The following LRRC37A2 variants were observed in gnomAD, a reference collection of about 807,000 sequenced individuals.
The protein encoded by LRRC37A2 is leucine-rich repeat-containing protein 37A2.
Under a neutral mutation model 68.8 loss-of-function variants are expected in LRRC37A2, and 9 were observed. The ratio of observed to expected loss-of-function variants is 0.13; its 90% CI spans 0.08 to 0.23. The LOEUF (loss-of-function observed/expected upper bound fraction) is 0.23. Ranked by LOEUF, LRRC37A2 falls within the 10% of genes least tolerant of loss-of-function variation. The pLI is 1.00. For missense variants in LRRC37A2, 168 were observed against 950.4 expected (o/e 0.18, Z 10.82); for synonymous variants, 63 against 367.6 (o/e 0.17, Z 9.48).
At chr17:46,925,270 T>G in the LRRC37A2 span, among the ~76,000 whole-genome samples, 9 of 152,238 alleles carry the variant, frequency 5.9e-5, no homozygotes, top group Admixed American at 5.9e-4. Flanking sequence ...AGTACAATTT[T>G]ATTTATCAAA....
the LRRC37A2 span, among the ~76,000 whole-genome samples, chr17:46,816,335 C>T: frequency 6.6e-6 from 1 of 151,956 alleles, no homozygotes; most frequent in Non-Finnish European, 1.5e-5. Context: ...ACAGCACAAC[C>T]TGTCGTGGGC....
At chr17:46,889,449 G>A in the LRRC37A2 span, among the ~76,000 whole-genome samples, 41 of 152,134 alleles carry the variant, frequency 2.7e-4, no homozygotes, top group African/African-American at 9.7e-4. Flanking sequence ...TGGAAGTCAC[G>A]TCTTAACCCA....
chr17:46,460,704 A>G, the LRRC37A2 span, among the ~76,000 whole-genome samples: 1 of 66,222 alleles, frequency 1.5e-5, no homozygotes, highest in East Asian at 2.9e-4. Context: ...TTTAAATAGC[A>G]GGTTAGACAC....
At chr17:46,711,528 G>A in the LRRC37A2 span, among the ~76,000 whole-genome samples, 1 of 152,128 alleles carries the variant, frequency 6.6e-6, no homozygotes, top group Admixed American at 6.5e-5. Context: ...TCCTGACTAC[G>A]GTGTATGTGT....
chr17:46,720,238 A>C, the LRRC37A2 span, among the ~76,000 whole-genome samples: 6 of 152,330 alleles, frequency 3.9e-5, no homozygotes, highest in African/African-American at 1.4e-4. Context: ...GCACTCCGGA[A>C]GTGACTACAG....
the LRRC37A2 span, chr17:46,939,127 A>G: frequency 8.7e-7 from 1 of 1,149,848 alleles, no homozygotes. Context: ...CACACGGTTC[A>G]CACCTTGTCA....
the LRRC37A2 span, among the ~76,000 whole-genome samples, chr17:47,031,498 A>G: frequency 4.2e-3 from 605 of 144,306 alleles, no homozygotes; most frequent in Middle Eastern, 0.043. Context: ...CTTCATTCCT[A>G]TACACAGGTC....
chr17:46,421,039 TC>T, the LRRC37A2 span, among the ~76,000 whole-genome samples: 1 of 68,530 alleles, frequency 1.5e-5, no homozygotes, highest in African/African-American at 4.3e-5. Flanking sequence ...GCTCAGGTGA[TC>T]CATCCGCCTT....
At chr17:46,892,266 AC>A in the LRRC37A2 span, among the ~76,000 whole-genome samples, 1 of 150,274 alleles carries the variant, frequency 6.7e-6, no homozygotes, top group East Asian at 2.0e-4. Context: ...CTGCCTAAAA[AC>A]CCCAGGTAAG....
chr17:46,793,812 G>A, the LRRC37A2 span, among the ~76,000 whole-genome samples: 3,239 of 152,294 alleles, frequency 0.021, 50 homozygotes, highest in African/African-American at 0.041. Flanking sequence ...CAACAGCCCT[G>A]AGAGTAGAGA....
the LRRC37A2 span, among the ~76,000 whole-genome samples, chr17:46,891,245 T>G: frequency 6.6e-6 from 1 of 152,224 alleles, no homozygotes; most frequent in Admixed American, 6.5e-5. Context: ...CATTCCTGTT[T>G]ACAAAGTGTC....
At chr17:46,548,966 C>G in exon 10 of LRRC37A2, 1 of 1,612,220 alleles carries the variant, frequency 6.2e-7, no homozygotes, top group East Asian at 2.2e-5. Flanking sequence ...AAAGACTTAA[C>G]CCACGCTATT....
At chr17:46,913,593 TGAG>T in the LRRC37A2 span, among the ~76,000 whole-genome samples, 1 of 152,112 alleles carries the variant, frequency 6.6e-6, no homozygotes, top group South Asian at 2.1e-4. Context: ...AAAGACCTTG[TGAG>T]GAGAGCTGCA....
chr17:46,554,230 C>T (rs2057132753), intron 12 of LRRC37A2: 1 of 145,976 alleles, frequency 6.9e-6, no homozygotes, highest in Non-Finnish European at 1.0e-5. Flanking sequence ...GAGCTCGTGA[C>T]CAGCCTGACC....
At chr17:46,908,219 T>C in the LRRC37A2 span, among the ~76,000 whole-genome samples, 1 of 151,058 alleles carries the variant, frequency 6.6e-6, no homozygotes, top group Admixed American at 6.6e-5. Context: ...AGGTCTGGCT[T>C]GTGCAAGGAA....
the LRRC37A2 span, chr17:46,722,121 G>C: frequency 6.2e-7 from 1 of 1,611,852 alleles, no homozygotes; most frequent in Non-Finnish European, 8.5e-7. Flanking sequence ...GAACTCGTCC[G>C]GCTTCTCGCC....
At chr17:46,871,733 C>T in the LRRC37A2 span, among the ~76,000 whole-genome samples, 7 of 152,180 alleles carry the variant, frequency 4.6e-5, no homozygotes, top group African/African-American at 9.7e-5. Flanking sequence ...GCTCCAGAAT[C>T]GATGAACTTT....
At chr17:46,734,395 T>TA in the LRRC37A2 span, among the ~76,000 whole-genome samples, 72 of 147,802 alleles carry the variant, frequency 4.9e-4, no homozygotes, top group African/African-American at 9.6e-4. Context: ...TTCTTTTATC[T>TA]AAAAAAAAAA....
At chr17:46,896,452 A>AAGAGAAAGAAAGAAAG in the LRRC37A2 span, among the ~76,000 whole-genome samples, 4 of 65,834 alleles carry the variant, frequency 6.1e-5, no homozygotes, top group African/African-American at 2.1e-4. Context: ...GAAAGAAAGA[A>AAGAGAAAGAAAGAAAG]AAAGAAAGAA....
Sources: gnomAD v4.1 joint callset for allele counts (sites outside exome capture counted in the v4.1 genomes callset) on GRCh38, gnomAD v4.1.1 for gene constraint, MANE v1.5 for transcripts, NCBI Gene and HGNC (gene_info 2026-07-23, HGNC 2026-07-21) for gene names.